PTPRN2: variants seen among roughly 807,000 people sequenced by gnomAD.
PTPRN2 encodes the protein protein tyrosine phosphatase receptor type N2, also known as receptor-type tyrosine-protein phosphatase N2.
A neutral mutation model predicts 118.8 loss-of-function variants in PTPRN2; 74 were observed. The ratio of observed to expected loss-of-function variants is 0.62; its 90% CI spans 0.52 to 0.76. PTPRN2 has a LOEUF of 0.76. Ranked by LOEUF, PTPRN2 falls within the 30% of genes least tolerant of loss-of-function variation. PTPRN2 has a pLI of 0.00. For missense variants in PTPRN2, 1,481 were observed against 1,394.4 expected (o/e 1.06, Z -0.99); for synonymous variants, 641 against 608.0 (o/e 1.05, Z -0.80).
intron 1 of PTPRN2, among the ~76,000 whole-genome samples, chr7:158,515,187 A>T (rs1208388314): frequency 2.2e-5 from 3 of 139,160 alleles, no homozygotes; most frequent in Admixed American, 7.2e-5. Context: ...CAGTGAGTGT[A>T]TTTTTTTTTT....
At chr7:157,710,478 C>T (rs1798550816) in intron 12 of PTPRN2, among the ~76,000 whole-genome samples, 1 of 138,226 alleles carries the variant, frequency 7.2e-6, no homozygotes, top group South Asian at 2.4e-4. Flanking sequence ...TGCCTAACCG[C>T]CCCCACCCCC....
chr7:158,571,994 C>A (rs1828069989), intron 1 of PTPRN2, among the ~76,000 whole-genome samples: 1 of 152,110 alleles, frequency 6.6e-6, no homozygotes, highest in African/African-American at 2.4e-5. Flanking sequence ...ACTAGGAATG[C>A]ACTGGAAAGA....
At chr7:157,840,628 A>T (rs769705923) in intron 12 of PTPRN2, among the ~76,000 whole-genome samples, 2 of 152,172 alleles carry the variant, frequency 1.3e-5, no homozygotes, top group Non-Finnish European at 2.9e-5. Context: ...GTTGGGGGGA[A>T]GTTGGAATTT....
At chr7:158,262,760 GCACACACACATT>G (rs1296261244) in intron 3 of PTPRN2, among the ~76,000 whole-genome samples, 4 of 133,582 alleles carry the variant, frequency 3.0e-5, no homozygotes, top group Non-Finnish European at 4.8e-5. Context: ...TACACACACT[GCACACACACATT>G]CACACACACT....
rs542248476 is a variant in PTPRN2 at position 157,992,355 on chromosome 7, G to A, written c.1723+88943C>T. On this transcript the variant is annotated intron_variant, in intron 11 of 22. Coordinates refer to ENST00000389418, the MANE Select transcript of PTPRN2 (RefSeq NM_002847.5). ...GTCTCTCGCTCTCCAGGATGAGTTGGGAGTGGAATCGCCATGGCCACGGAG... is the reference window on the plus strand; with the variant it reads ...GTCTCTCGCTCTCCAGGATGAGTTGAGAGTGGAATCGCCATGGCCACGGAG... 2.6e-5 allele frequency among the ~76,000 whole-genome samples: 4 copies of A among 152,338 alleles called. No homozygotes were observed. The South Asian group carries it at 8.3e-4, about 32-fold the overall frequency.
intron 2 of PTPRN2, among the ~76,000 whole-genome samples, chr7:158,394,928 C>T (rs1353314882): frequency 6.6e-6 from 1 of 152,222 alleles, no homozygotes; most frequent in East Asian, 1.9e-4. Flanking sequence ...CGCATCTCTG[C>T]AACGCGTCAG....
intron 12 of PTPRN2, among the ~76,000 whole-genome samples, chr7:157,702,084 G>A (rs1249769439): frequency 6.6e-6 from 1 of 151,326 alleles, no homozygotes; most frequent in Non-Finnish European, 1.5e-5. Context: ...GCATTTATAA[G>A]AAAGCCTGGT....
At chr7:158,254,834 T>C (rs936237841) in intron 3 of PTPRN2, among the ~76,000 whole-genome samples, 19 of 152,254 alleles carry the variant, frequency 1.2e-4, no homozygotes, top group South Asian at 2.1e-4. Context: ...AGAAACAAAT[T>C]ATTTAAACTT....
chr7:158,215,299 T>G (rs1391446291), intron 3 of PTPRN2, among the ~76,000 whole-genome samples: 1 of 151,890 alleles, frequency 6.6e-6, no homozygotes, highest in Non-Finnish European at 1.5e-5. Context: ...GATAAAACAG[T>G]AGGAATTACT....
chr7:158,133,975 G>C lies in PTPRN2; in HGVS notation c.1258C>G (p.Pro420Ala), dbSNP rs773126557. The C allele has an allele frequency of 3.2e-5, 52 of 1,613,924 alleles. No individual in the cohort carries two copies. Among genetic ancestry groups the C allele is most frequent in the Non-Finnish European group, 4.2e-5 (49 of 1,180,046 alleles). Residue 420 changes from proline to alanine, a missense_variant, in exon 9 of 23, where the codon CCC becomes GCC. Coordinates refer to ENST00000389418, the MANE Select transcript of PTPRN2 (RefSeq NM_002847.5). Reference protein sequence around the residue: ...LLPGALPFARPLDMERKKSEH... With the variant: ...LLPGALPFARALDMERKKSEH... ...GACTTCTTCCTCTCCATGTCGAGGG[G>C]CCTTGCAAAGGGGAGGGCTCCAGGT...
rs1177667596 is a variant in PTPRN2, at chr7:158,587,707, C to CGCGGGAGGCG, written c.-48_-39dup. The CGCGGGAGGCG allele has an allele frequency of 5.1e-4, 595 of 1,169,312 alleles. 1 individual carries two copies. Among genetic ancestry groups the CGCGGGAGGCG allele is most frequent in the South Asian group, 2.0e-3 (47 of 23,838 alleles). 72.4% of individuals were successfully genotyped at this position (1,169,312 alleles called of 1,614,324 possible). ...GCCGGCGGCGCTCAGTCCATGGCCG[C>CGCGGGAGGCG]GCGGGAGGCGGCGGGAGGCGGCCGA... On this transcript the variant is annotated 5_prime_UTR_variant, in exon 1 of 23. Transcript: ENST00000389418.
chr7:158,377,019 CG>C (rs1396140901), intron 2 of PTPRN2, among the ~76,000 whole-genome samples: 2 of 93,656 alleles, frequency 2.1e-5, no homozygotes, highest in African/African-American at 8.9e-5. Flanking sequence ...TGTCCTGAGA[CG>C]GGGGTCAGGG....
At chr7:158,366,578 G>T (rs776034649) in intron 2 of PTPRN2, among the ~76,000 whole-genome samples, 15 of 152,190 alleles carry the variant, frequency 9.9e-5, no homozygotes, top group Non-Finnish European at 1.6e-4. Flanking sequence ...AGCCCACAGC[G>T]CCTTGTTTCC....
intron 6 of PTPRN2, among the ~76,000 whole-genome samples, chr7:158,163,329 TTCTC>T (rs201395430): frequency 0.044 from 6,700 of 151,370 alleles, 191 homozygotes; most frequent in Non-Finnish European, 0.067. Flanking sequence ...GGGTTCTCAA[TTCTC>T]TCTATTTCAT....
intron 1 of PTPRN2, among the ~76,000 whole-genome samples, chr7:158,562,065 T>C (rs746472335): frequency 2.6e-5 from 4 of 152,120 alleles, no homozygotes; most frequent in Non-Finnish European, 5.9e-5. Flanking sequence ...CCAAGAGAAG[T>C]CTCTCTGTCA....
At chr7:158,543,419 TAGG>T (rs1826108984) in intron 1 of PTPRN2, among the ~76,000 whole-genome samples, 1 of 152,212 alleles carries the variant, frequency 6.6e-6, no homozygotes, top group African/African-American at 2.4e-5. Flanking sequence ...CAGAGCCTTC[TAGG>T]AGGCCTGTCT....
intron 3 of PTPRN2, among the ~76,000 whole-genome samples, chr7:158,288,746 T>C (rs1799922279): frequency 6.6e-6 from 1 of 152,254 alleles, no homozygotes; most frequent in African/African-American, 2.4e-5. Flanking sequence ...TGAATTTGAC[T>C]GTATACTTAT....
At chr7:158,316,496 C>T (rs531143198) in intron 3 of PTPRN2, among the ~76,000 whole-genome samples, 13 of 152,334 alleles carry the variant, frequency 8.5e-5, no homozygotes, top group Admixed American at 4.6e-4. Context: ...GGCCGAGCCA[C>T]GCCTGCACTG....
chr7:157,593,070 G>A (rs980125012), intron 17 of PTPRN2, among the ~76,000 whole-genome samples: 6 of 146,888 alleles, frequency 4.1e-5, no homozygotes, highest in Admixed American at 1.4e-4. Flanking sequence ...CATCGTGGTC[G>A]TTGAGTGTGG....
Sources: allele counts gnomAD v4.1 joint callset (sites outside exome capture counted in the v4.1 genomes callset), GRCh38; gene constraint gnomAD v4.1.1; transcripts MANE v1.5; gene names NCBI Gene and HGNC (gene_info 2026-07-23, HGNC 2026-07-21).